The following DPP6 variants were observed in gnomAD, a reference collection of about 807,000 sequenced individuals.
DPP6 encodes A-type potassium channel modulatory protein DPP6.
A neutral mutation model predicts 122.6 loss-of-function variants in DPP6; 69 were observed. That is an observed-to-expected ratio of 0.56 (90% CI 0.46 to 0.69). DPP6 has a LOEUF of 0.69. Among genes scored for constraint, DPP6 ranks in the 30% least tolerant of loss-of-function variants. The probability of loss-of-function intolerance (pLI) is 0.00; values close to 1 mark genes in which losing one functional copy is unlikely to be tolerated. For synonymous variants in DPP6, 418 were observed against 433.1 expected (o/e 0.97, Z 0.43); for missense variants, 928 against 1,116.9 (o/e 0.83, Z 2.41).
chr7:154,574,276 CTG>C (rs1264848705), intron 5 of DPP6, among the ~76,000 whole-genome samples: 16 of 94,502 alleles, frequency 1.7e-4, no homozygotes, highest in African/African-American at 6.0e-4. Context: ...TGTGTGGGGT[CTG>C]TGTGTGTGGC....
At chr7:154,235,480 T>A (rs74627569) in intron 1 of DPP6, among the ~76,000 whole-genome samples, 8,111 of 145,626 alleles carry the variant, frequency 0.056, 469 homozygotes, top group Middle Eastern at 0.13. Context: ...AGAGAATTCC[T>A]TTTTTTCTTT....
intron 1 of DPP6, among the ~76,000 whole-genome samples, chr7:154,053,432 G>A (rs1800557815): frequency 6.6e-6 from 1 of 151,736 alleles, no homozygotes; most frequent in African/African-American, 2.4e-5. Context: ...TTACGAGTTG[G>A]TTTATTTTTT....
chr7:154,145,565 A>G lies in DPP6; in HGVS notation c.243+92502A>G, dbSNP rs60788903. ...ACTGGTAGGTTTATAGGATTTTGTC[A>G]CATTGAAATGGAGAGTGAATGTGTC... On this transcript the variant is annotated intron_variant, in intron 1 of 25. Transcript: ENST00000377770. Among the ~76,000 whole-genome samples, 91 of 150,054 alleles carry G rather than the reference A, an allele frequency of 6.1e-4. No homozygotes were observed. The East Asian group carries it at 0.014, about 24-fold the overall frequency.
At chr7:153,909,726 C>A in intron 1 of DPP6, among the ~76,000 whole-genome samples, 1 of 152,182 alleles carries the variant, frequency 6.6e-6, no homozygotes, top group East Asian at 1.9e-4. Context: ...GGACTTCAAA[C>A]TTCCCCAGTC....
intron 1 of DPP6, among the ~76,000 whole-genome samples, chr7:153,993,060 T>C (rs1585145385): frequency 1.3e-5 from 2 of 152,166 alleles, no homozygotes; most frequent in African/African-American, 2.4e-5. Context: ...ATTTTTCTTA[T>C]CCTTCTACTA....
chr7:154,016,407 T>TA (rs1798421295), intron 1 of DPP6, among the ~76,000 whole-genome samples: 1 of 151,916 alleles, frequency 6.6e-6, no homozygotes, highest in African/African-American at 2.4e-5. Context: ...TTATTTTTTT[T>TA]TTTTTTCAGA....
rs537574956 is a variant in DPP6, at chr7:154,631,944, T to C, written c.628-5877T>C. Among the ~76,000 whole-genome samples, 3 of 152,268 alleles carry C rather than the reference T, an allele frequency of 2.0e-5. No homozygotes were observed. In the East Asian group the frequency reaches 5.8e-4, roughly 29 times the overall value. On this transcript the variant is annotated intron_variant, in intron 5 of 25. Transcript: ENST00000377770. ...TTCAATTTAAAGCTTAATTAAGCAG[T>C]GAACAATTTGCAAATTGGGCAGCCT... is the stretch of plus-strand genomic sequence containing the variant.
At chr7:153,934,817 ACTGT>A (rs1325495307) in intron 1 of DPP6, among the ~76,000 whole-genome samples, 9 of 152,136 alleles carry the variant, frequency 5.9e-5, no homozygotes, top group East Asian at 3.9e-4. Flanking sequence ...GCAGCGGGAG[ACTGT>A]CTGTGAGCTG....
intron 1 of DPP6, among the ~76,000 whole-genome samples, chr7:154,346,701 A>G (rs1464003636): frequency 6.6e-6 from 1 of 152,186 alleles, no homozygotes; most frequent in Non-Finnish European, 1.5e-5. Context: ...CCTATCACTG[A>G]GAGCACCAAG....
rs569501005 is a variant in DPP6 at position 154,630,281 on chromosome 7, C to A, written c.628-7540C>A. ...AGGTGATGTGGAGGAGGGAGGGGAG[C>A]ACAGGCAGGCCAGACAGGGGCAACT... On this transcript the variant is annotated intron_variant, in intron 5 of 25. Coordinates refer to ENST00000377770, the MANE Select transcript of DPP6 (RefSeq NM_130797.4). Among the ~76,000 whole-genome samples, 7 of 152,282 alleles carry A rather than the reference C, an allele frequency of 4.6e-5. No homozygotes were observed. The East Asian group carries it at 7.7e-4, about 17-fold the overall frequency.
intron 3 of DPP6, among the ~76,000 whole-genome samples, chr7:154,508,800 T>A (rs977552144): frequency 6.6e-6 from 1 of 152,218 alleles, no homozygotes; most frequent in Admixed American, 6.5e-5. Context: ...TAGCATAGAT[T>A]TTCTATGTTA....
At chr7:154,691,147 A>G (rs577830557) in intron 7 of DPP6, among the ~76,000 whole-genome samples, 11 of 152,202 alleles carry the variant, frequency 7.2e-5, no homozygotes, top group Non-Finnish European at 1.3e-4. Context: ...CTTCCATGTC[A>G]TGGAACAAAG....
At chr7:154,202,678 T>C (rs115562495) in intron 1 of DPP6, among the ~76,000 whole-genome samples, 4,098 of 152,208 alleles carry the variant, frequency 0.027, 180 homozygotes, top group African/African-American at 0.092. Context: ...CCCCTCCTAC[T>C]ACAGGCCGGG....
chr7:154,342,196 G>A (rs980166335), intron 1 of DPP6, among the ~76,000 whole-genome samples: 3 of 152,178 alleles, frequency 2.0e-5, no homozygotes, highest in Non-Finnish European at 4.4e-5. Flanking sequence ...CTAATGATTA[G>A]CCAGCAGGGT....
chr7:154,708,604 A>G (rs981672710), intron 7 of DPP6, among the ~76,000 whole-genome samples: 3 of 152,266 alleles, frequency 2.0e-5, no homozygotes, highest in African/African-American at 7.2e-5. Flanking sequence ...GGGAAATATC[A>G]GAGACACAGG....
intron 20 of DPP6, chr7:154,876,401 C>T (rs914015352): frequency 3.4e-5 from 11 of 326,734 alleles, no homozygotes; most frequent in African/African-American, 1.9e-4. Flanking sequence ...GTCACTGACC[C>T]GGGCCAGTGT....
chr7:153,808,704 C>T, the DPP6 span, among the ~76,000 whole-genome samples: 2 of 152,018 alleles, frequency 1.3e-5, no homozygotes, highest in East Asian at 1.9e-4. Context: ...GTATAATGTT[C>T]GTATTCTTGT....
chr7:154,008,553 A>G (rs1210941946), intron 1 of DPP6, among the ~76,000 whole-genome samples: 1 of 152,070 alleles, frequency 6.6e-6, no homozygotes, highest in Non-Finnish European at 1.5e-5. Flanking sequence ...AGACATTTCT[A>G]CTTACCTATC....
At chr7:153,822,172 G>A in the DPP6 span, among the ~76,000 whole-genome samples, 2 of 131,536 alleles carry the variant, frequency 1.5e-5, no homozygotes, top group East Asian at 4.9e-4. Flanking sequence ...AATAGGAAAG[G>A]GGGGGAATCT....
Sources: gnomAD v4.1 joint callset for allele counts (sites outside exome capture counted in the v4.1 genomes callset) on GRCh38, gnomAD v4.1.1 for gene constraint, MANE v1.5 for transcripts, NCBI Gene and HGNC (gene_info 2026-07-23, HGNC 2026-07-21) for gene names.